Variants in AHCY observed in about 807,000 individuals in gnomAD.
AHCY encodes the protein S-adenosyl-L-homocysteine hydrolase.
In AHCY, 24 loss-of-function variants were observed where a neutral mutation model predicts 45.4. The ratio of observed to expected loss-of-function variants is 0.53; its 90% CI spans 0.38 to 0.74. The LOEUF (loss-of-function observed/expected upper bound fraction) is 0.74, where lower values mean the gene tolerates loss of function less well. AHCY is among the 30% of genes least tolerant of loss of function. The pLI is 0.00. For synonymous variants in AHCY, 245 were observed against 235.1 expected, an observed-to-expected ratio of 1.04 and a Z score of -0.39; for missense variants, 449 against 594.1, an observed-to-expected ratio of 0.76 and a Z score of 2.54.
rs753550811 is a variant in AHCY, at chr20:34,294,069, A to G, written c.295+12T>C. The G allele has an allele frequency of 2.5e-6, 4 of 1,613,938 alleles. No homozygotes were observed. The African/African-American group carries it at 4.0e-5, about 16-fold the overall frequency. ...TCACAAATTCCACGTCTCAGAAGCA[A>G]GCAGGACTTACCCGGAATGCCAGCC... On this transcript the variant is annotated intron_variant, in intron 3 of 9. Transcript: ENST00000217426.
chr20:34,291,361 A>T, intron 5 of AHCY, 58 bp downstream of exon 5: 1 of 1,483,536 alleles, frequency 6.7e-7, no homozygotes, highest in Non-Finnish European at 9.4e-7. Flanking sequence ...TCTTCTTCAG[A>T]GGCCTCGTCC....
chr20:34,301,273 C>T (rs552225894), intron 1 of AHCY, among the ~76,000 whole-genome samples: 38 of 152,108 alleles, frequency 2.5e-4, no homozygotes, highest in Non-Finnish European at 4.4e-4. Context: ...ATGCCCTGTG[C>T]TGCTAAGCTC....
intron 1 of AHCY, among the ~76,000 whole-genome samples, chr20:34,297,360 C>T (rs941273529): frequency 2.0e-5 from 3 of 151,950 alleles, no homozygotes; most frequent in South Asian, 2.1e-4. Flanking sequence ...GGCGCGATCT[C>T]GGCCCACTGC....
chr20:34,287,849 G>T (rs2036239997), intron 8 of AHCY, among the ~76,000 whole-genome samples: 1 of 152,216 alleles, frequency 6.6e-6, no homozygotes, highest in African/African-American at 2.4e-5. Context: ...AGAGGCCCTT[G>T]AGAGGACGGA....
At chr20:34,278,399 G>C (rs918662474), downstream of AHCY, among the ~76,000 whole-genome samples, 8 of 152,184 alleles carry the variant, frequency 5.3e-5, no homozygotes. Context: ...AGAGGGAAGG[G>C]AGCATGCGCA....
Position 34,281,134 on chromosome 20 carries a change from C to T in AHCY, c.1199G>A (p.Gly400Asp). Reference protein sequence around the residue: ...LDEAVAEAHLGKLNVKLTKLT... With the variant: ...LDEAVAEAHLDKLNVKLTKLT... Reference sequence around the variant, plus strand: ...CTTGGTCAACTTCACATTCAGCTTGCCCAGGTGGGCTTCAGCCACTGCCTC... The same window carrying T: ...CTTGGTCAACTTCACATTCAGCTTGTCCAGGTGGGCTTCAGCCACTGCCTC... The change falls in exon 10 of 10, where the codon GGC becomes GAC. Residue 400 changes from glycine (G) to aspartate (D), a missense_variant. Coordinates refer to ENST00000217426, the MANE Select transcript of AHCY (RefSeq NM_000687.4). 8 of 1,613,746 alleles carry T rather than the reference C, an allele frequency of 5.0e-6. No individual in the cohort carries two copies. In the East Asian group the frequency reaches 1.8e-4, roughly 36 times the overall value.
At chr20:34,308,291 C>T (rs2036915450), upstream of AHCY, among the ~76,000 whole-genome samples, 1 of 152,214 alleles carries the variant, frequency 6.6e-6, no homozygotes, top group Non-Finnish European at 1.5e-5. Context: ...TGGCTCAGGC[C>T]TATAGTCCCA....
At chr20:34,296,480 T>A (rs1000034183) in intron 1 of AHCY, among the ~76,000 whole-genome samples, 1 of 152,228 alleles carries the variant, frequency 6.6e-6, no homozygotes, top group Non-Finnish European at 1.5e-5. Flanking sequence ...GCTTCATGGT[T>A]ACTAGTAACA....
chr20:34,269,008 G>A, the AHCY span: 2 of 1,607,732 alleles, frequency 1.2e-6, no homozygotes, highest in Non-Finnish European at 1.7e-6. Flanking sequence ...CTTCGATGAA[G>A]AAAGTGGTGC....
At chr20:34,269,946 T>TAAAAAAAAAAAAAAAA in the AHCY span, among the ~76,000 whole-genome samples, 21 of 59,236 alleles carry the variant, frequency 3.5e-4, no homozygotes, top group African/African-American at 1.3e-3. Context: ...AACTCTGTCT[T>TAAAAAAAAAAAAAAAA]AAAAAAAAAA....
In AHCY at chr20:34,281,105, T is replaced by G. The variant is rs1194152113; in HGVS notation, c.1228A>C (p.Thr410Pro). The G allele has an allele frequency of 1.2e-6, 2 of 1,613,998 alleles. No individual in the cohort carries two copies. The highest frequency in any genetic ancestry group is 1.7e-6 in the Non-Finnish European group (2 of 1,180,024). ...GKLNVKLTKL[T>P]EKQAQYLGMS... ...CCCAGGTACTGGGCTTGCTTCTCAG[T>G]TAGCTTGGTCAACTTCACATTCAGC... The change falls in exon 10 of 10, where the codon ACT becomes CCT. Residue 410 changes from threonine to proline, a missense_variant. Coordinates refer to ENST00000217426, the MANE Select transcript of AHCY (RefSeq NM_000687.4).
At chr20:34,264,739 T>C in the AHCY span, among the ~76,000 whole-genome samples, 16,939 of 151,222 alleles carry the variant, frequency 0.11, 3,271 homozygotes, top group African/African-American at 0.39. Flanking sequence ...ATAATCGATC[T>C]CTACTTATCC....
At chr20:34,298,609 A>AGGGGGGGGGGGGGG (rs35505406) in intron 1 of AHCY, among the ~76,000 whole-genome samples, 21 of 83,154 alleles carry the variant, frequency 2.5e-4, no homozygotes, top group Non-Finnish European at 3.2e-4. Flanking sequence ...CGGCGGCGGG[A>AGGGGGGGGGGGGGG]GGGGGGGGGG....
chr20:34,258,793 TATATATA>T, the AHCY span, among the ~76,000 whole-genome samples: 4 of 118,118 alleles, frequency 3.4e-5, no homozygotes, highest in Non-Finnish European at 6.9e-5. Flanking sequence ...ATATATAGTG[TATATATA>T]ATATATGATA....
the AHCY span, among the ~76,000 whole-genome samples, chr20:34,234,244 T>C: frequency 0.14 from 21,954 of 152,188 alleles, 5,416 homozygotes; most frequent in African/African-American, 0.5. Context: ...CCAGGGCTCA[T>C]GACCCAAAGT....
At chr20:34,269,355 C>A in the AHCY span, 1 of 717,470 alleles carries the variant, frequency 1.4e-6, no homozygotes, top group Non-Finnish European at 2.1e-6. Flanking sequence ...CGAAGGTGTG[C>A]GGCTGTTTCT....
chr20:34,289,027 G>T (rs1381842382), intron 8 of AHCY, among the ~76,000 whole-genome samples: 1 of 152,156 alleles, frequency 6.6e-6, no homozygotes, highest in East Asian at 1.9e-4. Flanking sequence ...TTTTTGAGAT[G>T]GAGTCTCGCT....
the AHCY span, among the ~76,000 whole-genome samples, chr20:34,240,064 A>G: frequency 6.6e-6 from 1 of 152,204 alleles, no homozygotes; most frequent in Non-Finnish European, 1.5e-5. Context: ...AGGAACAGAA[A>G]GAAGGTTGGG....
the AHCY span, among the ~76,000 whole-genome samples, chr20:34,251,148 C>T: frequency 3.9e-5 from 6 of 152,192 alleles, no homozygotes; most frequent in African/African-American, 1.2e-4. Context: ...CTTGTACAAA[C>T]TTTCCATGAC....
Sources: allele counts gnomAD v4.1 joint callset (sites outside exome capture counted in the v4.1 genomes callset), GRCh38; gene constraint gnomAD v4.1.1; transcripts MANE v1.5; gene names NCBI Gene and HGNC (gene_info 2026-07-23, HGNC 2026-07-21).